Variants in STRN observed in about 807,000 individuals in gnomAD.
STRN encodes the protein striatin, also known as protein phosphatase 2 regulatory subunit B'''alpha.
In STRN, 53 loss-of-function variants were observed where a neutral mutation model predicts 96.3. The ratio of observed to expected loss-of-function variants is 0.55; its 90% CI spans 0.44 to 0.69. The LOEUF (loss-of-function observed/expected upper bound fraction) is 0.69. Among genes scored for constraint, STRN ranks in the 30% least tolerant of loss-of-function variants. The pLI is 0.00. For synonymous variants in STRN, 428 were observed against 355.9 expected (o/e 1.20, Z -2.28); for missense variants, 987 against 963.9 (o/e 1.02, Z -0.32).
chr2:36,841,517 G>A lies in STRN; in HGVS notation c.*7939C>T, dbSNP rs1340729239. On this transcript the variant is annotated 3_prime_UTR_variant, in exon 18 of 18. Coordinates refer to ENST00000263918, the MANE Select transcript of STRN (RefSeq NM_003162.4). ...CAAGAGGATATTCTGAAATACGTGGGCTATCGAAAAAGATGTAAGTACATT... is the reference window on the plus strand; with the variant it reads ...CAAGAGGATATTCTGAAATACGTGGACTATCGAAAAAGATGTAAGTACATT... 1.3e-5 allele frequency: 2 copies of A among 152,032 alleles called. No individual in the cohort carries two copies. Among genetic ancestry groups the A allele is most frequent in the African/African-American group, 4.8e-5 (2 of 41,394 alleles). The allele number at this position is 152,032 out of a possible 1,614,324, so 9.4% of individuals were successfully genotyped here.
At chr2:36,891,048 A>AC (rs1232856715) in intron 7 of STRN, among the ~76,000 whole-genome samples, 1 of 152,114 alleles carries the variant, frequency 6.6e-6, no homozygotes, top group Non-Finnish European at 1.5e-5. Flanking sequence ...CTGGTTCAGC[A>AC]CCCCCCAATC....
intron 7 of STRN, among the ~76,000 whole-genome samples, chr2:36,890,317 C>T (rs1032924264): frequency 1.3e-5 from 2 of 151,898 alleles, no homozygotes; most frequent in East Asian, 3.9e-4. Context: ...CTTTTATTTA[C>T]TACAAAAAAA....
intron 12 of STRN, among the ~76,000 whole-genome samples, chr2:36,863,369 G>A (rs965112874): frequency 1.3e-5 from 2 of 152,112 alleles, no homozygotes; most frequent in Non-Finnish European, 2.9e-5. Flanking sequence ...TAAGGAAGGG[G>A]TCCAGTTTCA....
At chr2:36,886,941 A>G (rs1669248259) in intron 7 of STRN, 115 bp from the exon 8 acceptor site, 1 of 732,872 alleles carries the variant, frequency 1.4e-6, no homozygotes, top group Non-Finnish European at 2.1e-6. Context: ...TAACTTAAAA[A>G]AAGTCAGTTT....
At chr2:36,920,761 CAG>C (rs1484874869) in intron 2 of STRN, among the ~76,000 whole-genome samples, 1 of 151,326 alleles carries the variant, frequency 6.6e-6, no homozygotes, top group African/African-American at 2.4e-5. Context: ...TACTGTCCTT[CAG>C]AGTCAAATTT....
chr2:36,865,548 T>C (rs1668599203), intron 12 of STRN, among the ~76,000 whole-genome samples: 1 of 152,094 alleles, frequency 6.6e-6, no homozygotes, highest in South Asian at 2.1e-4. Context: ...TGTGTGATGT[T>C]AAGTTGTTAA....
intron 1 of STRN, among the ~76,000 whole-genome samples, chr2:36,929,887 T>G (rs1283823729): frequency 4.6e-5 from 7 of 152,200 alleles, no homozygotes; most frequent in Admixed American, 3.9e-4. Context: ...TTATAAAGCT[T>G]GATTAATTTA....
At chr2:36,861,308 T>C in intron 12 of STRN, 55 bp from the exon 13 acceptor site, 1 of 1,577,120 alleles carries the variant, frequency 6.3e-7, no homozygotes, top group South Asian at 1.2e-5. Flanking sequence ...AACCTGATAA[T>C]ATGACTTGTT....
At chr2:36,905,487 T>A in intron 4 of STRN, 53 bp downstream of exon 4, 1 of 1,506,840 alleles carries the variant, frequency 6.6e-7, no homozygotes, top group East Asian at 2.3e-5. Flanking sequence ...AATAACTTCA[T>A]AAAACTGTTT....
At chr2:36,957,332 A>C (rs1318436073) in intron 1 of STRN, among the ~76,000 whole-genome samples, 13 of 152,248 alleles carry the variant, frequency 8.5e-5, no homozygotes, top group Non-Finnish European at 1.5e-4. Context: ...TCACGTCTGT[A>C]ATTCCAGCAC....
intron 7 of STRN, among the ~76,000 whole-genome samples, chr2:36,891,378 T>C (rs181961486): frequency 2.0e-5 from 3 of 152,086 alleles, no homozygotes; most frequent in Admixed American, 6.5e-5. Context: ...ATACAAAAAA[T>C]AGCCGGGCGT....
intron 7 of STRN, among the ~76,000 whole-genome samples, chr2:36,888,125 A>G (rs550716857): frequency 1.3e-5 from 2 of 152,190 alleles, no homozygotes; most frequent in Non-Finnish European, 2.9e-5. Flanking sequence ...CACATAAAAT[A>G]TATCAGGGAA....
At chr2:36,869,454 G>A (rs968802186) in intron 11 of STRN, 100 bp downstream of exon 11, 41 of 1,115,702 alleles carry the variant, frequency 3.7e-5, no homozygotes, top group Non-Finnish European at 4.6e-5. Context: ...AGAACTAGAA[G>A]AAATGTTTGG....
At chr2:36,868,463 A>G (rs1668683704) in intron 11 of STRN, among the ~76,000 whole-genome samples, 1 of 152,302 alleles carries the variant, frequency 6.6e-6, no homozygotes, top group African/African-American at 2.4e-5. Context: ...CACCATTATT[A>G]TAGGTACACT....
Position 36,846,464 on chromosome 2 carries a change from A to T in STRN, c.*2992T>A, listed in dbSNP as rs1412079200. The T allele has an allele frequency of 7.2e-6, 1 of 138,686 alleles. No homozygotes were observed. Among genetic ancestry groups the T allele is most frequent in the Non-Finnish European group, 1.5e-5 (1 of 65,248 alleles). 8.6% of individuals were successfully genotyped at this position (138,686 alleles called of 1,614,324 possible). On this transcript the variant is annotated 3_prime_UTR_variant, in exon 18 of 18. Transcript: ENST00000263918. ...TTATATATATTCTTACAATATATAT[A>T]ATATATATTTATAAAATATACATAC...
Position 36,869,711 on chromosome 2 carries a change from C to T in STRN, c.1342G>A (p.Ala448Thr). The change falls in exon 11 of 18, where the codon GCA becomes ACA. Residue 448 changes from alanine to threonine, a missense_variant. Coordinates refer to ENST00000263918, the MANE Select transcript of STRN (RefSeq NM_003162.4). Reference protein sequence around the residue: ...LTYDIANNKDALRKTWNPKFT... With the variant: ...LTYDIANNKDTLRKTWNPKFT... ...TTAGGGTTCCATGTCTTCCTCAATG[C>T]ATCTTTATTGTTTGCTATCTATTAA... 1 of 1,604,990 alleles carries T rather than the reference C, an allele frequency of 6.2e-7. No homozygotes were observed. The highest frequency in any genetic ancestry group is 1.1e-5 in the South Asian group (1 of 89,024).
chr2:36,921,357 T>C (rs1419561677), intron 2 of STRN, among the ~76,000 whole-genome samples: 1 of 152,190 alleles, frequency 6.6e-6, no homozygotes, highest in Non-Finnish European at 1.5e-5. Context: ...TTGGCTCTTC[T>C]TCCTCTGCCT....
chr2:36,851,283 G>C (rs900668777), intron 15 of STRN, among the ~76,000 whole-genome samples, 176 bp from the exon 16 acceptor site: 3 of 152,092 alleles, frequency 2.0e-5, no homozygotes, highest in Non-Finnish European at 4.4e-5. Context: ...AGGAGATCGA[G>C]ACCATCCTGG....
In STRN at chr2:36,855,995, C is replaced by T. The variant is rs1267387750; in HGVS notation, c.1838-643G>A. 2.6e-5 allele frequency among the ~76,000 whole-genome samples: 4 copies of T among 152,122 alleles called. No homozygotes were observed. In the East Asian group the frequency reaches 7.7e-4, roughly 29 times the overall value. On this transcript the variant is annotated intron_variant, in intron 14 of 17. Coordinates refer to ENST00000263918, the MANE Select transcript of STRN (RefSeq NM_003162.4). ...CATTTGGCTCAAAATCTAACTACAG[C>T]AAGGTAACAGTTCAAAAATGTGCAT...
Sources: allele counts gnomAD v4.1 joint callset (sites outside exome capture counted in the v4.1 genomes callset), GRCh38; gene constraint gnomAD v4.1.1; transcripts MANE v1.5; gene names NCBI Gene and HGNC (gene_info 2026-07-23, HGNC 2026-07-21).